KLHL32: variants seen among roughly 807,000 people sequenced by gnomAD.
The protein encoded by KLHL32 is kelch-like protein 32.
KLHL32 carries 35 observed loss-of-function variants against 64.8 expected under a neutral mutation model. The ratio of observed to expected loss-of-function variants is 0.54; its 90% confidence interval spans 0.41 to 0.72. The LOEUF is 0.72. Ranked by LOEUF, KLHL32 falls within the 30% of genes least tolerant of loss-of-function variation. KLHL32 has a pLI of 0.00. For synonymous variants in KLHL32, 259 were observed against 281.0 expected, an observed-to-expected ratio of 0.92 and a Z score of 0.78; for missense variants, 589 against 768.5, an observed-to-expected ratio of 0.77 and a Z score of 2.76.
At chr6:96,935,893 G>A (rs892550614) in intron 1 of KLHL32, among the ~76,000 whole-genome samples, 3 of 152,140 alleles carry the variant, frequency 2.0e-5, no homozygotes, top group South Asian at 2.1e-4. Context: ...TTTCTCCTAA[G>A]GAGAAATAAA....
At chr6:96,979,026 C>T (rs548291155) in intron 3 of KLHL32, among the ~76,000 whole-genome samples, 36 of 151,844 alleles carry the variant, frequency 2.4e-4, no homozygotes, top group Non-Finnish European at 4.4e-4. Flanking sequence ...TGTTTAACTT[C>T]TTTATAGATT....
chr6:97,032,409 G>A (rs1359712017), intron 3 of KLHL32, among the ~76,000 whole-genome samples: 4 of 152,116 alleles, frequency 2.6e-5, no homozygotes, highest in Non-Finnish European at 5.9e-5. Flanking sequence ...TTAAGGAATT[G>A]TGTTTTCCTC....
intron 6 of KLHL32, 150 bp downstream of exon 6, chr6:97,085,491 T>G (rs1269472698): frequency 3.0e-6 from 2 of 675,662 alleles, no homozygotes; most frequent in South Asian, 3.8e-5. Context: ...GACAAGTGAT[T>G]GGAGAACACT....
chr6:97,088,655 G>T (rs1282022319), intron 6 of KLHL32, among the ~76,000 whole-genome samples: 2 of 152,102 alleles, frequency 1.3e-5, no homozygotes, highest in South Asian at 4.1e-4. Flanking sequence ...TTTGATTGTG[G>T]TAATCATTTC....
chr6:97,075,801 G>C (rs1582940980), intron 5 of KLHL32, among the ~76,000 whole-genome samples: 1 of 152,120 alleles, frequency 6.6e-6, no homozygotes, highest in East Asian at 1.9e-4. Context: ...ACTGGGTATG[G>C]TGCCTTGGAT....
intron 3 of KLHL32, among the ~76,000 whole-genome samples, chr6:97,022,601 C>T (rs1782157757): frequency 1.3e-5 from 2 of 149,984 alleles, no homozygotes; most frequent in Admixed American, 6.6e-5. Flanking sequence ...TTCCAAGTAG[C>T]TGGGATTACA....
intron 3 of KLHL32, among the ~76,000 whole-genome samples, chr6:97,002,136 G>A (rs932475034): frequency 6.6e-6 from 1 of 152,184 alleles, no homozygotes. Flanking sequence ...AGGTGTTGGT[G>A]TAAGTTCCAG....
intron 8 of KLHL32, among the ~76,000 whole-genome samples, chr6:97,130,521 C>T (rs137978430): frequency 6.6e-6 from 1 of 152,264 alleles, no homozygotes; most frequent in East Asian, 1.9e-4. Context: ...AAATGCAACA[C>T]AAACTAGAGG....
chr6:96,975,478 C>T (rs893419349), intron 2 of KLHL32, among the ~76,000 whole-genome samples: 4 of 152,046 alleles, frequency 2.6e-5, no homozygotes, highest in Non-Finnish European at 4.4e-5. Context: ...CCCTTTTTGT[C>T]CTAACATTTG....
At chr6:96,977,554 A>G (rs1582552293) in intron 3 of KLHL32, among the ~76,000 whole-genome samples, 1 of 152,040 alleles carries the variant, frequency 6.6e-6, no homozygotes, top group East Asian at 1.9e-4. Context: ...GGGAATATAA[A>G]CAATTTAATT....
At chr6:96,940,256 T>A (rs1771122977) in intron 1 of KLHL32, among the ~76,000 whole-genome samples, 1 of 152,122 alleles carries the variant, frequency 6.6e-6, no homozygotes. Context: ...ATAATATGAT[T>A]TTTGATTGAG....
At chr6:96,958,741 C>T (rs547407289) in intron 1 of KLHL32, among the ~76,000 whole-genome samples, 38 of 124,656 alleles carry the variant, frequency 3.0e-4, no homozygotes, top group African/African-American at 1.1e-3. Flanking sequence ...CAATGTTTCC[C>T]CACCCATTGG....
chr6:97,108,368 G>A (rs1055781216), intron 6 of KLHL32, among the ~76,000 whole-genome samples: 3 of 152,074 alleles, frequency 2.0e-5, no homozygotes, highest in African/African-American at 7.2e-5. Flanking sequence ...TTTTTTTCAA[G>A]CTTAAGCACC....
chr6:96,960,613 A>G (rs1406647612), intron 1 of KLHL32, among the ~76,000 whole-genome samples: 28 of 152,220 alleles, frequency 1.8e-4, no homozygotes. Context: ...ATTCTGTAAA[A>G]TATTTTGAAG....
Position 97,049,558 on chromosome 6 carries a change from G to A in KLHL32, c.312+7959G>A, listed in dbSNP as rs752654080. On this transcript the variant is annotated intron_variant, in intron 4 of 10. Transcript: ENST00000369261. ...CAGTTTACCATGGGTAACTGAAACC[G>A]TAGAAAGCGAAACCGTCGATAACGG... Among the ~76,000 whole-genome samples the A allele has an allele frequency of 3.6e-5, 5 of 139,700 alleles. No individual in the cohort carries two copies. In the South Asian group the frequency reaches 7.7e-4, roughly 22 times the overall value. The allele number at this position is 139,700 out of a possible 152,430, so 91.6% of individuals were successfully genotyped here.
chr6:96,972,397 G>C (rs536278481), intron 2 of KLHL32, among the ~76,000 whole-genome samples: 1 of 152,070 alleles, frequency 6.6e-6, no homozygotes, highest in Non-Finnish European at 1.5e-5. Flanking sequence ...CCCTACAATA[G>C]AGTATTACTA....
At chr6:96,908,953 C>G in the KLHL32 span, among the ~76,000 whole-genome samples, 41 of 152,232 alleles carry the variant, frequency 2.7e-4, no homozygotes, top group Admixed American at 2.2e-3. Context: ...CCAGGAGAAA[C>G]TGAATGAACA....
chr6:97,115,552 T>G (rs1797720973), intron 7 of KLHL32, among the ~76,000 whole-genome samples: 1 of 152,202 alleles, frequency 6.6e-6, no homozygotes. Context: ...CAATCTTGTT[T>G]TCTCTACACC....
intron 6 of KLHL32, among the ~76,000 whole-genome samples, chr6:97,097,467 G>A (rs1795138204): frequency 6.6e-6 from 1 of 152,260 alleles, no homozygotes; most frequent in Non-Finnish European, 1.5e-5. Context: ...ATGAGAACGT[G>A]CAGTCTTGGA....
Sources: gnomAD v4.1 joint callset for allele counts (sites outside exome capture counted in the v4.1 genomes callset) on GRCh38, gnomAD v4.1.1 for gene constraint, MANE v1.5 for transcripts, NCBI Gene and HGNC (gene_info 2026-07-23, HGNC 2026-07-21) for gene names.